Variants in DOCK6 observed in about 807,000 individuals in gnomAD.
DOCK6 encodes dedicator of cytokinesis 6, also known as dedicator of cytokinesis protein 6.
A neutral mutation model predicts 230.3 loss-of-function variants in DOCK6; 167 were observed. That is an observed-to-expected ratio of 0.73 (90% CI 0.64 to 0.82). DOCK6 has a LOEUF of 0.82. Ranked by LOEUF, DOCK6 falls within the 40% of genes least tolerant of loss-of-function variation. DOCK6 has a pLI of 0.00. For synonymous variants in DOCK6, 1,148 were observed against 1,185.0 expected (o/e 0.97, Z 0.64); for missense variants, 2,598 against 2,825.8 (o/e 0.92, Z 1.83).
At chr19:11,252,598 T>G in intron 3 of DOCK6, 48 bp from the exon 4 acceptor site, 1 of 1,609,728 alleles carries the variant, frequency 6.2e-7, no homozygotes, top group East Asian at 2.2e-5. Context: ...CCTCTGTGAA[T>G]CCTTCTGCTA....
At chr19:11,216,041 A>G (rs1197102753) in intron 30 of DOCK6, 114 bp from the exon 31 acceptor site, 46 of 1,387,608 alleles carry the variant, frequency 3.3e-5, no homozygotes, top group Non-Finnish European at 4.0e-5. Flanking sequence ...CTGTGCTTAA[A>G]GACAGATTGC....
At chr19:11,226,928 C>T (rs980429001) in intron 24 of DOCK6, among the ~76,000 whole-genome samples, 1 of 152,046 alleles carries the variant, frequency 6.6e-6, no homozygotes, top group South Asian at 2.1e-4. Context: ...TCCCACCAAC[C>T]CTCATTTCCT....
At chr19:11,219,676 G>A (rs2079551463) in intron 28 of DOCK6, among the ~76,000 whole-genome samples, 1 of 151,434 alleles carries the variant, frequency 6.6e-6, no homozygotes, top group Admixed American at 6.6e-5. Flanking sequence ...TGTAGTCCCA[G>A]CTACTCGGGA....
rs1257010191 is a variant in DOCK6, at chr19:11,211,981, A to G, written c.4650+12T>C. The G allele has an allele frequency of 6.3e-7, 1 of 1,594,044 alleles. No homozygotes were observed. The highest frequency in any genetic ancestry group is 2.3e-5 in the East Asian group (1 of 44,228). ...TGAAGGGGAGGCGGGGCGGGGACCC[A>G]GCAGGTGTCACCTGCTCTGCGAAGG... On this transcript the variant is annotated intron_variant, in intron 36 of 47. Transcript: ENST00000294618.
chr19:11,200,280 T>C lies in DOCK6; in HGVS notation c.6101+28A>G, dbSNP rs1044535343. On this transcript the variant is annotated intron_variant, in intron 47 of 47. Coordinates refer to ENST00000294618, the MANE Select transcript of DOCK6 (RefSeq NM_020812.4). This position sits in a 1 kb window ranked among gnomAD's most constrained non-coding sequence, Gnocchi z 4.3. Reference sequence around the variant, plus strand: ...CTGCCTCTGCATCCCCTCTCTAGTCTCTAGGATGGGGGCACTAGGTCAGGC... The same window carrying C: ...CTGCCTCTGCATCCCCTCTCTAGTCCCTAGGATGGGGGCACTAGGTCAGGC... The C allele has an allele frequency of 3.9e-6, 6 of 1,548,458 alleles. No homozygotes were observed. The African/African-American group carries it at 6.8e-5, about 18-fold the overall frequency.
At chr19:11,228,849 A>C (rs1406689511) in intron 23 of DOCK6, 91 bp downstream of exon 23, 2 of 1,275,410 alleles carry the variant, frequency 1.6e-6, no homozygotes, top group Non-Finnish European at 2.2e-6. Context: ...GGTGTGAGCC[A>C]CTATGCCTGG....
Position 11,236,750 on chromosome 19 carries a change from A to G in DOCK6, c.2160+43T>C. The G allele has an allele frequency of 6.5e-7, 1 of 1,549,074 alleles. No individual in the cohort carries two copies. The highest frequency in any genetic ancestry group is 8.7e-7 in the Non-Finnish European group (1 of 1,145,114). ...GTTACTCAATCGTAGGGCAGGCAAG[A>G]GGGGAGCAGGGCGGGACTCTTGGTT... On this transcript the variant is annotated intron_variant, in intron 19 of 47. Coordinates refer to ENST00000294618, the MANE Select transcript of DOCK6 (RefSeq NM_020812.4). This position sits in a 1 kb window ranked among gnomAD's most constrained non-coding sequence, Gnocchi z 5.2.
At chr19:11,242,002 A>C (rs1426195353) in intron 14 of DOCK6, 43 bp downstream of exon 14, 2 of 1,539,692 alleles carry the variant, frequency 1.3e-6, no homozygotes, top group Non-Finnish European at 1.7e-6. Flanking sequence ...TGATGTATGA[A>C]TACCTCCCAT....
chr19:11,249,111 ATTGG>A (rs1240981528), intron 6 of DOCK6, among the ~76,000 whole-genome samples: 10 of 152,338 alleles, frequency 6.6e-5, no homozygotes, highest in Admixed American at 3.3e-4. Flanking sequence ...TTCAATAGAT[ATTGG>A]TTGATTAAAT....
chr19:11,233,583 C>T (rs1278149568), intron 21 of DOCK6, among the ~76,000 whole-genome samples: 1 of 152,106 alleles, frequency 6.6e-6, no homozygotes, highest in South Asian at 2.1e-4. Context: ...CCTATAATCC[C>T]AGCACTTTGG....
chr19:11,259,881 C>CTTTTTTTTTTTTT lies in DOCK6; in HGVS notation c.44+2503_44+2515dup, dbSNP rs1205836383. Among the ~76,000 whole-genome samples the CTTTTTTTTTTTTT allele has an allele frequency of 2.4e-4, 16 of 67,774 alleles. 4 individuals are homozygous for CTTTTTTTTTTTTT. The highest frequency in any genetic ancestry group is 3.3e-4 in the Non-Finnish European group (13 of 39,674). 44.5% of individuals were successfully genotyped at this position (67,774 alleles called of 152,430 possible). On this transcript the variant is annotated intron_variant, in intron 1 of 47. Coordinates refer to ENST00000294618, the MANE Select transcript of DOCK6 (RefSeq NM_020812.4). ...ACAGACCTGGGCCGCCGCGCCCGGC[C>CTTTTTTTTTTTTT]TTTTTTTTTTTTTTTTTTTTGAGAC...
rs967045461 is a variant in DOCK6 at position 11,235,711 on chromosome 19, AGGCT to A, written c.2437_2440del (p.Ser813LeufsTer43). The A allele has an allele frequency of 6.2e-7, 1 of 1,600,344 alleles. No homozygotes were observed. The highest frequency in any genetic ancestry group is 1.3e-5 in the African/African-American group (1 of 74,682). On this transcript the variant is annotated frameshift_variant, in exon 21 of 48. Transcript: ENST00000294618. LOFTEE classifies it high-confidence loss of function. ...GGCTGCCTCCAGGCTCCGGTGAACA[AGGCT>A]GACTACATGGGCCATTGCTTCAAAG...
chr19:11,236,757 C>G lies in DOCK6; in HGVS notation c.2160+36G>C. The G allele has an allele frequency of 1.3e-6, 2 of 1,550,030 alleles. No individual in the cohort carries two copies. Among genetic ancestry groups the G allele is most frequent in the Non-Finnish European group, 1.7e-6 (2 of 1,145,986 alleles). On this transcript the variant is annotated intron_variant, in intron 19 of 47. Transcript: ENST00000294618. The surrounding 1 kb of genome is among the most constrained non-coding windows in gnomAD (Gnocchi z 5.2). ...AATCGTAGGGCAGGCAAGAGGGGAG[C>G]AGGGCGGGACTCTTGGTTCCCGGCC...
At chr19:11,244,451 CTTTTTTTT>C (rs56722117) in intron 9 of DOCK6, among the ~76,000 whole-genome samples, 1 of 40,256 alleles carries the variant, frequency 2.5e-5, no homozygotes, top group Non-Finnish European at 4.0e-5. Flanking sequence ...CCACACCTGG[CTTTTTTTT>C]TTTTTTTTTT....
Position 11,215,969 on chromosome 19 carries a change from T to G in DOCK6, c.3895-42A>C, listed in dbSNP as rs752410658. 3.1e-6 allele frequency: 5 copies of G among 1,610,956 alleles called. No individual in the cohort carries two copies. In the Admixed American group the frequency reaches 8.3e-5, roughly 27 times the overall value. ...CTGGGGTTCCAGGCTGACTCTGCTCTTTTCGGGGGGACCTGGGCTGGCCCC... is the reference window on the plus strand; with the variant it reads ...CTGGGGTTCCAGGCTGACTCTGCTCGTTTCGGGGGGACCTGGGCTGGCCCC... On this transcript the variant is annotated intron_variant, in intron 30 of 47. Transcript: ENST00000294618.
At chr19:11,210,024 C>G (rs1734652415) in intron 37 of DOCK6, among the ~76,000 whole-genome samples, 1 of 142,410 alleles carries the variant, frequency 7.0e-6, no homozygotes, top group Non-Finnish European at 1.5e-5. Context: ...TCTCACCTGT[C>G]CACCGTCTCA....
chr19:11,206,842 T>G (rs1315091880), intron 39 of DOCK6, among the ~76,000 whole-genome samples: 12 of 151,578 alleles, frequency 7.9e-5, no homozygotes, highest in African/African-American at 7.3e-5. Flanking sequence ...TGGTTTTTTT[T>G]TTTTTGTTTT....
intron 37 of DOCK6, 45 bp downstream of exon 37, chr19:11,211,731 G>C (rs1169623577): frequency 9.7e-6 from 14 of 1,440,780 alleles, no homozygotes; most frequent in Non-Finnish European, 1.3e-5. Context: ...CCCTGCACCT[G>C]TTGGGGCGTG....
chr19:11,245,937 C>A, intron 7 of DOCK6, 59 bp from the exon 8 acceptor site: 1 of 1,545,284 alleles, frequency 6.5e-7, no homozygotes, highest in South Asian at 1.2e-5. Context: ...CCACACACCC[C>A]ACTCCCTCTT....
Sources: gnomAD v4.1 joint callset for allele counts (sites outside exome capture counted in the v4.1 genomes callset) on GRCh38, gnomAD v4.1.1 for gene constraint, Gnocchi (gnomAD v3.1) non-coding constraint, MANE v1.5 for transcripts, NCBI Gene and HGNC (gene_info 2026-07-23, HGNC 2026-07-21) for gene names.